Variants in FMO5 observed in about 807,000 individuals in gnomAD.
FMO5 encodes the protein flavin-containing monooxygenase 5.
Under a neutral mutation model 43.6 loss-of-function variants are expected in FMO5, and 51 were observed. That is an observed-to-expected ratio of 1.17 (90% confidence interval 0.93 to 1.48). The LOEUF (loss-of-function observed/expected upper bound fraction) is 1.48, where lower values mean the gene tolerates loss of function less well. Among genes scored for constraint, FMO5 ranks in the 40% most tolerant of loss-of-function variants. The pLI is 0.00. For missense variants in FMO5, 644 were observed against 643.0 expected (o/e 1.00, Z -0.02); for synonymous variants, 187 against 216.5 (o/e 0.86, Z 1.20).
chr1:147,206,476 C>T (rs587709681), intron 6 of FMO5, among the ~76,000 whole-genome samples: 3 of 152,106 alleles, frequency 2.0e-5, no homozygotes, highest in African/African-American at 7.2e-5. Flanking sequence ...ATGTTTATTG[C>T]GGCACTATTC....
chr1:147,217,523 G>C (rs1662225543), intron 2 of FMO5, among the ~76,000 whole-genome samples: 1 of 152,144 alleles, frequency 6.6e-6, no homozygotes. Flanking sequence ...GAGAGTGTTT[G>C]TTGTTTGTTG....
At chr1:147,193,211 T>C (rs1401091299) in intron 7 of FMO5, among the ~76,000 whole-genome samples, 1 of 152,172 alleles carries the variant, frequency 6.6e-6, no homozygotes, top group Non-Finnish European at 1.5e-5. Context: ...TATTCAGAGA[T>C]TCAGCTTCTT....
intron 6 of FMO5, chr1:147,204,289 G>A: frequency 1.0e-6 from 1 of 977,848 alleles, no homozygotes; most frequent in Non-Finnish European, 1.7e-6. Flanking sequence ...CAATACTGAA[G>A]AGGAAGTGAT....
At chr1:147,198,972 T>C (rs1184000554) in intron 7 of FMO5, among the ~76,000 whole-genome samples, 1 of 151,950 alleles carries the variant, frequency 6.6e-6, no homozygotes, top group African/African-American at 2.4e-5. Flanking sequence ...ATCCAGAGAT[T>C]TGGTGTAACT....
At chr1:147,204,426 C>T in intron 6 of FMO5, 1 of 1,183,658 alleles carries the variant, frequency 8.4e-7, no homozygotes, top group Non-Finnish European at 1.3e-6. Context: ...ATTGTTTACA[C>T]ATTACAGAGG....
At chr1:147,217,817 T>C (rs587768391) in intron 2 of FMO5, among the ~76,000 whole-genome samples, 31 of 152,342 alleles carry the variant, frequency 2.0e-4, no homozygotes, top group Middle Eastern at 6.8e-3. Flanking sequence ...TTCCTATTTC[T>C]CAGCTTAGGA....
intron 7 of FMO5, among the ~76,000 whole-genome samples, chr1:147,192,475 C>G (rs587644166): frequency 6.6e-6 from 1 of 152,106 alleles, no homozygotes; most frequent in Non-Finnish European, 1.5e-5. Context: ...AATTTGACTT[C>G]CTCTTTTCCT....
downstream of FMO5, chr1:147,184,613 G>GT: frequency 6.5e-7 from 1 of 1,546,874 alleles, no homozygotes; most frequent in Non-Finnish European, 8.7e-7. The surrounding 1 kb of genome is among the most constrained non-coding windows in gnomAD (Gnocchi z 4.4). Context: ...TTTGTCTGAT[G>GT]TTTTTCTCAT....
At chr1:147,199,643 G>A (rs781833098) in intron 7 of FMO5, among the ~76,000 whole-genome samples, 9 of 152,082 alleles carry the variant, frequency 5.9e-5, no homozygotes, top group African/African-American at 1.9e-4. Context: ...ACTGTTCTCC[G>A]CTTATGTAAT....
At chr1:147,223,943 G>C (rs587690039) in intron 2 of FMO5, 3 of 376,066 alleles carry the variant, frequency 8.0e-6, no homozygotes, top group African/African-American at 2.1e-5. Flanking sequence ...TACCCCCATC[G>C]AGACACCACC....
intron 2 of FMO5, among the ~76,000 whole-genome samples, chr1:147,220,675 T>G (rs1273411784): frequency 6.6e-6 from 1 of 152,210 alleles, no homozygotes; most frequent in Admixed American, 6.5e-5. Flanking sequence ...ATTTTACATT[T>G]AACTTTTTAA....
rs587655177 is a variant in FMO5, at chr1:147,193,592, T to G, written c.1184-3343A>C. 6.0e-3 allele frequency among the ~76,000 whole-genome samples: 920 copies of G among 152,250 alleles called. 15 individuals are homozygous for G. The highest frequency in any genetic ancestry group is 0.021 in the African/African-American group (866 of 41,522). On this transcript the variant is annotated intron_variant, in intron 7 of 8. Coordinates refer to ENST00000254090, the MANE Select transcript of FMO5 (RefSeq NM_001461.4). ...CTTGCTTTTCTAGTTCTTTTAATTGTGATGTTAGGGTGTCAATTTTGGATC... is the reference window on the plus strand; with the variant it reads ...CTTGCTTTTCTAGTTCTTTTAATTGGGATGTTAGGGTGTCAATTTTGGATC...
intron 2 of FMO5, among the ~76,000 whole-genome samples, chr1:147,219,915 C>A (rs1662713407): frequency 6.6e-6 from 1 of 150,922 alleles, no homozygotes; most frequent in African/African-American, 2.4e-5. Flanking sequence ...CTCGGCTCAC[C>A]ACAACCCCTG....
chr1:147,210,571 A>G (rs1374915715), intron 5 of FMO5: 1 of 152,180 alleles, frequency 6.6e-6, no homozygotes, highest in African/African-American at 2.4e-5. Context: ...AAGAGCATAT[A>G]TGGTCTTAGA....
intron 2 of FMO5, chr1:147,224,001 A>T: frequency 2.4e-6 from 1 of 421,388 alleles, no homozygotes; most frequent in Admixed American, 2.6e-5. Context: ...GTGGAGAACA[A>T]GAAGACTCAG....
chr1:147,186,333 C>T lies in FMO5; in HGVS notation c.*567G>A. The T allele has an allele frequency of 3.1e-6, 3 of 979,488 alleles. No individual in the cohort carries two copies. Among genetic ancestry groups the T allele is most frequent in the East Asian group, 1.1e-4 (1 of 8,786 alleles). The allele number at this position is 979,488 out of a possible 1,614,324, so 60.7% of individuals were successfully genotyped here. A position where few individuals can be genotyped will look rare whatever the true frequency, so the allele number is the denominator to read the frequency against. ...AAAAGGGCTAAAAATGACCATGTTT[C>T]AAGTACACTAGTGAATAGCAAGTGA... On this transcript the variant is annotated 3_prime_UTR_variant, in exon 9 of 9. Coordinates refer to ENST00000254090, the MANE Select transcript of FMO5 (RefSeq NM_001461.4).
chr1:147,199,037 G>C (rs1658528492), intron 7 of FMO5, among the ~76,000 whole-genome samples: 1 of 151,894 alleles, frequency 6.6e-6, no homozygotes, highest in Non-Finnish European at 1.5e-5. Context: ...CACTTGCAAG[G>C]GCTGCAAAAG....
At chr1:147,203,651 T>C in intron 6 of FMO5, 1 of 1,383,608 alleles carries the variant, frequency 7.2e-7, no homozygotes, top group South Asian at 1.2e-5. Context: ...AGGACATGTC[T>C]CTCCATATGA....
Position 147,212,470 on chromosome 1 carries a change from CA to C in FMO5, c.552del (p.Gly185GlufsTer6). ...SRDYKNPEGF[T>X]GKRVIIIGIG... ...ATGCCAATTATAATGACTCTCTTTC[CA>C]GTGAATCCCTCTGGGTTCTTATAGT... On this transcript the variant is annotated frameshift_variant, in exon 5 of 9. Transcript: ENST00000254090. LOFTEE classifies it high-confidence loss of function. The C allele has an allele frequency of 6.2e-7, 1 of 1,613,858 alleles. No individual in the cohort carries two copies.
Sources: gnomAD v4.1 joint callset for allele counts (sites outside exome capture counted in the v4.1 genomes callset) on GRCh38, gnomAD v4.1.1 for gene constraint, Gnocchi (gnomAD v3.1) non-coding constraint, MANE v1.5 for transcripts, NCBI Gene and HGNC (gene_info 2026-07-23, HGNC 2026-07-21) for gene names.